The following SLC35D2 variants were observed in gnomAD, a reference collection of about 807,000 sequenced individuals.
SLC35D2 encodes the protein nucleotide sugar transporter SLC35D2.
SLC35D2 carries 43 observed loss-of-function variants against 41.8 expected under a neutral mutation model. The observed-to-expected ratio is 1.03, with a 90% CI of 0.81 to 1.33. The LOEUF is 1.33. SLC35D2 is among the 40% of genes most tolerant of loss of function. The pLI, the probability that SLC35D2 is intolerant of heterozygous loss-of-function variation, is 0.00. For synonymous variants in SLC35D2, 150 were observed against 163.9 expected (o/e 0.92, Z 0.65); for missense variants, 380 against 408.4 (o/e 0.93, Z 0.60).
At chr9:96,332,476 A>G (rs1030377404) in intron 9 of SLC35D2, among the ~76,000 whole-genome samples, 1 of 152,124 alleles carries the variant, frequency 6.6e-6, no homozygotes, top group Non-Finnish European at 1.5e-5. Flanking sequence ...AAACTTTACC[A>G]TTAAAGGTAA....
At chr9:96,313,456 GT>G (rs1200932148) in exon 12 of SLC35D2, among the ~76,000 whole-genome samples, 1 of 152,186 alleles carries the variant, frequency 6.6e-6, no homozygotes, top group African/African-American at 2.4e-5. Context: ...AGTGTTCAGA[GT>G]TTTTATTAGG....
downstream of SLC35D2, among the ~76,000 whole-genome samples, chr9:96,317,868 C>CAA (rs34659411): frequency 3.0e-5 from 3 of 99,432 alleles, no homozygotes; most frequent in South Asian, 2.9e-4. Flanking sequence ...ACCAAAAATA[C>CAA]AAAAAAAAAA....
Position 96,324,134 on chromosome 9 carries a change from T to C in SLC35D2, c.788A>G (p.Tyr263Cys), listed in dbSNP as rs147885801. 2 of 1,613,866 alleles carry C rather than the reference T, an allele frequency of 1.2e-6. No individual in the cohort carries two copies. The highest frequency in any genetic ancestry group is 1.3e-5 in the African/African-American group (1 of 74,900). The change falls in exon 10 of 12, where the codon TAT (tyrosine) becomes TGT (cysteine). Residue 263 changes from tyrosine (Y) to cysteine (C), a missense_variant. By Grantham distance (194) the Tyr-to-Cys change is radical. Transcript: ENST00000253270. ...LLMYSTVLCSYYNSALTTAVV... is the reference protein window; with the variant it reads ...LLMYSTVLCSCYNSALTTAVV... ...TGCTGTCGTCAGGGCTGAATTGTAATAGCTGCACAGAACCGTGGAGTACAT... is the reference window on the plus strand; with the variant it reads ...TGCTGTCGTCAGGGCTGAATTGTAACAGCTGCACAGAACCGTGGAGTACAT...
chr9:96,371,480 A>G (rs1310781340), intron 1 of SLC35D2, among the ~76,000 whole-genome samples: 17 of 73,860 alleles, frequency 2.3e-4, no homozygotes, highest in African/African-American at 9.1e-4. Context: ...GTCTCAAAAA[A>G]AAAAAAAAAA....
chr9:96,371,474 CAAAAAAAAAAAAAAAAAAAAA>C (rs539576375), intron 1 of SLC35D2, among the ~76,000 whole-genome samples: 2 of 46,644 alleles, frequency 4.3e-5, no homozygotes. Context: ...GACTCTGTCT[CAAAAAAAAAAAAAAAAAAAAA>C]AAAAAAAAAA....
chr9:96,352,326 A>T (rs1246647406), intron 4 of SLC35D2, among the ~76,000 whole-genome samples: 3 of 151,976 alleles, frequency 2.0e-5, no homozygotes, highest in Non-Finnish European at 4.4e-5. Flanking sequence ...TTATTTATTT[A>T]TTTATTTTTT....
chr9:96,370,304 C>T (rs532000340), intron 1 of SLC35D2, among the ~76,000 whole-genome samples: 2 of 152,142 alleles, frequency 1.3e-5, no homozygotes, highest in African/African-American at 4.8e-5. Context: ...AGAATACAAC[C>T]TGTAACATGA....
intron 4 of SLC35D2, among the ~76,000 whole-genome samples, chr9:96,358,035 T>A (rs1419384387): frequency 7.0e-6 from 1 of 143,848 alleles, no homozygotes; most frequent in Non-Finnish European, 1.5e-5. Flanking sequence ...TCTCAAAAAA[T>A]AATAATAATA....
At chr9:96,327,573 A>G (rs1828595958) in intron 9 of SLC35D2, among the ~76,000 whole-genome samples, 1 of 151,856 alleles carries the variant, frequency 6.6e-6, no homozygotes, top group African/African-American at 2.4e-5. Context: ...CTCCTTAGCA[A>G]CAGATGGCGG....
intron 3 of SLC35D2, among the ~76,000 whole-genome samples, chr9:96,363,164 G>A (rs1252610236): frequency 6.7e-6 from 1 of 149,448 alleles, no homozygotes; most frequent in African/African-American, 2.5e-5. Context: ...ACCCCACCTG[G>A]CTTATTTTTT....
chr9:96,337,279 C>T (rs1189418300), intron 8 of SLC35D2, among the ~76,000 whole-genome samples: 2 of 152,088 alleles, frequency 1.3e-5, no homozygotes, highest in Non-Finnish European at 2.9e-5. Flanking sequence ...GTGGTGTGAT[C>T]ATGGCTCACT....
At chr9:96,360,002 C>A in intron 4 of SLC35D2, 152 bp downstream of exon 4, 1 of 497,274 alleles carries the variant, frequency 2.0e-6, no homozygotes, top group East Asian at 3.0e-5. Context: ...CAATTAAACT[C>A]AAAACTCCAC....
At chr9:96,313,583 C>G (rs979500769) in exon 12 of SLC35D2, among the ~76,000 whole-genome samples, 1 of 152,200 alleles carries the variant, frequency 6.6e-6, no homozygotes. Context: ...CTGGTGTAGC[C>G]AGCCCCCATC....
intron 1 of SLC35D2, among the ~76,000 whole-genome samples, chr9:96,371,474 C>CAAAAAACAA (rs1830676028): frequency 2.1e-5 from 1 of 46,644 alleles, no homozygotes; most frequent in Non-Finnish European, 3.8e-5. Flanking sequence ...GACTCTGTCT[C>CAAAAAACAA]AAAAAAAAAA....
rs1473847594 is a variant in SLC35D2, at chr9:96,383,681, A to G, written c.-47T>C. 1 of 986,534 alleles carries G rather than the reference A, an allele frequency of 1.0e-6. No individual in the cohort carries two copies. The highest frequency in any genetic ancestry group is 1.2e-6 in the Non-Finnish European group (1 of 829,468). 61.1% of individuals were successfully genotyped at this position (986,534 alleles called of 1,614,324 possible). A position where few individuals can be genotyped will look rare whatever the true frequency, so the allele number is the denominator to read the frequency against. On this transcript the variant is annotated 5_prime_UTR_variant, in exon 1 of 12. Coordinates refer to ENST00000253270, the MANE Select transcript of SLC35D2 (RefSeq NM_007001.3). The stretch of plus-strand genomic sequence containing the variant: ...CGCCGCCCGCCAGCCCCGGCTGCGC[A>G]CTGGTCCCGCCCGGCCGGGCCGGGG...
At chr9:96,377,214 G>A (rs1251624650) in intron 1 of SLC35D2, among the ~76,000 whole-genome samples, 4 of 151,924 alleles carry the variant, frequency 2.6e-5, no homozygotes, top group African/African-American at 4.8e-5. Context: ...CTGATCATCC[G>A]AAACGGGCCA....
At position 96,321,139 on chromosome 9, in the gene SLC35D2, G is replaced by A. The variant is rs547547286; in HGVS notation, c.*103C>T. On this transcript the variant is annotated 3_prime_UTR_variant, in exon 12 of 12. Coordinates refer to ENST00000253270, the MANE Select transcript of SLC35D2 (RefSeq NM_007001.3). Reference sequence around the variant, plus strand: ...TTTGCAGATGCTCTCACTTGCCCAGGGGGTGGATGTCACGAATCCGAAACC... The same window carrying A: ...TTTGCAGATGCTCTCACTTGCCCAGAGGGTGGATGTCACGAATCCGAAACC... 2.1e-5 allele frequency: 17 copies of A among 803,340 alleles called. No homozygotes were observed. The highest frequency in any genetic ancestry group is 2.1e-4 in the South Asian group (13 of 62,640). 49.8% of individuals were successfully genotyped at this position (803,340 alleles called of 1,614,324 possible).
intron 4 of SLC35D2, among the ~76,000 whole-genome samples, chr9:96,359,067 G>A: frequency 6.6e-6 from 1 of 152,050 alleles, no homozygotes; most frequent in East Asian, 1.9e-4. Flanking sequence ...CACTTTGAGA[G>A]GCTGAGGCGG....
At chr9:96,339,284 T>G (rs1433373730) in intron 8 of SLC35D2, among the ~76,000 whole-genome samples, 1 of 152,176 alleles carries the variant, frequency 6.6e-6, no homozygotes, top group East Asian at 1.9e-4. Context: ...CTAATTTCTG[T>G]ATTTTTAGTA....
Sources: gnomAD v4.1 joint callset for allele counts (sites outside exome capture counted in the v4.1 genomes callset) on GRCh38, gnomAD v4.1.1 for gene constraint, MANE v1.5 for transcripts, NCBI Gene and HGNC (gene_info 2026-07-23, HGNC 2026-07-21) for gene names.